The following MUCL3 variants were observed in gnomAD, a reference collection of about 807,000 sequenced individuals.
MUCL3 encodes mucin like 3, also known as mucin-like protein 3.
In MUCL3, 42 loss-of-function variants were observed where a neutral mutation model predicts 70.2. That is an observed-to-expected ratio of 0.60 (90% CI 0.47 to 0.77). MUCL3 has a LOEUF of 0.77. Among genes scored for constraint, MUCL3 ranks in the 30% least tolerant of loss-of-function variants. The probability of loss-of-function intolerance (pLI) is 0.00; values close to 1 mark genes in which losing one functional copy is unlikely to be tolerated. For missense variants in MUCL3, 1,429 were observed against 1,670.0 expected, an observed-to-expected ratio of 0.86 and a Z score of 2.52; for synonymous variants, 522 against 647.0, an observed-to-expected ratio of 0.81 and a Z score of 2.93.
chr6:30,951,212 A>G lies in MUCL3; in HGVS notation c.2748A>G (p.Pro916=). The G allele has an allele frequency of 3.9e-6, 6 of 1,551,928 alleles. No individual in the cohort carries two copies. Among genetic ancestry groups the G allele is most frequent in the Non-Finnish European group, 5.2e-6 (6 of 1,147,058 alleles). ...RTPFTNEKTT[P]SSAEPTEHGE... is the part of the protein sequence containing the mutation. ...CATTTACCAATGAGAAGACCACACCATCCTCAGCAGAGCCTACAGAACATG... is the reference window on the plus strand; with the variant it reads ...CATTTACCAATGAGAAGACCACACCGTCCTCAGCAGAGCCTACAGAACATG... Residue 916 remains proline, a synonymous_variant, in exon 2 of 3, where the codon CCA becomes CCG. Coordinates refer to ENST00000462446, the MANE Select transcript of MUCL3 (RefSeq NM_080870.4).
intron 1 of MUCL3, among the ~76,000 whole-genome samples, chr6:30,946,633 A>C (rs1380467179): frequency 1.3e-5 from 2 of 152,230 alleles, no homozygotes; most frequent in African/African-American, 4.8e-5. Flanking sequence ...TTATTTGATT[A>C]AATAAACAAA....
intron 1 of MUCL3, among the ~76,000 whole-genome samples, chr6:30,941,629 T>C (rs942722690): frequency 1.3e-5 from 2 of 151,866 alleles, no homozygotes; most frequent in African/African-American, 2.4e-5. Flanking sequence ...CTGGCTCATT[T>C]TTTTGTATTT....
In MUCL3 at chr6:30,951,734, T is replaced by G. The variant is rs1413076469; in HGVS notation, c.3270T>G (p.Thr1090=). 6.5e-7 allele frequency: 1 copy of G among 1,546,676 alleles called. No individual in the cohort carries two copies. The highest frequency in any genetic ancestry group is 8.7e-7 in the Non-Finnish European group (1 of 1,145,866). Reference sequence around the variant, plus strand: ...GGCCTACAGAACATGGAGCAAAAACTACGTCGGCCAATGAGAAGATCACAC... The same window carrying G: ...GGCCTACAGAACATGGAGCAAAAACGACGTCGGCCAATGAGAAGATCACAC... ...PEGPTEHGAK[T]TSANEKITPS... The change falls in exon 2 of 3, where the codon ACT becomes ACG. Residue 1090 remains threonine, a synonymous_variant. Coordinates refer to ENST00000462446, the MANE Select transcript of MUCL3 (RefSeq NM_080870.4).
In MUCL3 at chr6:30,953,145, C is replaced by T. The variant is rs1760799326; in HGVS notation, c.*28C>T. On this transcript the variant is annotated 3_prime_UTR_variant, in exon 3 of 3. Transcript: ENST00000462446. ...TTGGAGTAGGCGCCCAGCCCTGGCT[C>T]TTCCATGCTCTGCCCCTTTCCTGGA... is the stretch of plus-strand genomic sequence containing the variant. The T allele has an allele frequency of 6.2e-7, 1 of 1,610,576 alleles. No homozygotes were observed. Among genetic ancestry groups the T allele is most frequent in the East Asian group, 2.2e-5 (1 of 44,886 alleles).
Position 30,951,682 on chromosome 6 carries a change from A to T in MUCL3, c.3218A>T (p.Asn1073Ile), listed in dbSNP as rs1562494787. ...CATGGAGAAAAGACTACATTGGCCAATGAGAAGATCACACTATCCCCAGAA... is the reference window on the plus strand; with the variant it reads ...CATGGAGAAAAGACTACATTGGCCATTGAGAAGATCACACTATCCCCAGAA... The part of the protein sequence containing the change: ...TEHGEKTTLA[N>I]EKITLSPEGP... Residue 1073 changes from asparagine to isoleucine, a missense_variant, in exon 2 of 3, where the codon AAT becomes ATT. Transcript: ENST00000462446. 6 of 1,552,344 alleles carry T rather than the reference A, an allele frequency of 3.9e-6. No individual in the cohort carries two copies. The highest frequency in any genetic ancestry group is 4.4e-6 in the Non-Finnish European group (5 of 1,147,132).
Position 30,949,416 on chromosome 6 carries a change from C to T in MUCL3, c.952C>T (p.Leu318=), listed in dbSNP as rs1259445621. 5.3e-6 allele frequency: 8 copies of T among 1,496,140 alleles called. No homozygotes were observed. Among genetic ancestry groups the T allele is most frequent in the African/African-American group, 1.4e-5 (1 of 70,612 alleles). The allele number at this position is 1,496,140 out of a possible 1,614,324, so 92.7% of individuals were successfully genotyped here. A position where few individuals can be genotyped will look rare whatever the true frequency, so the allele number is the denominator to read the frequency against. Reference sequence around the variant, plus strand: ...AAGGACAGCCAATGAGAACACCACACTATCCCCAGCAGAGCCTATAGAAAA... The same window carrying T: ...AAGGACAGCCAATGAGAACACCACATTATCCCCAGCAGAGCCTATAGAAAA... ...RERTANENTT[L]SPAEPIENRE... Residue 318 remains leucine, a synonymous_variant, in exon 2 of 3, where the codon CTA becomes TTA. Transcript: ENST00000462446.
In MUCL3 at chr6:30,953,106, TC is replaced by T. The variant is rs764847568; in HGVS notation, c.4175del (p.Pro1392HisfsTer40). On this transcript the variant is annotated frameshift_variant, in exon 3 of 3. Coordinates refer to ENST00000462446, the MANE Select transcript of MUCL3 (RefSeq NM_080870.4). LOFTEE classifies it high-confidence loss of function. Reference sequence around the variant, plus strand: ...GAATCTTGGCATGGGCCAGATCCCTTCCCCACGGTGATCTTGGAGTAGGCGC... The same window carrying T: ...GAATCTTGGCATGGGCCAGATCCCTTCCCACGGTGATCTTGGAGTAGGCGC... ...QQNLGMGQIPSPR is the reference protein window; with the variant it reads ...QQNLGMGQIPXPR 1 of 1,613,982 alleles carries T rather than the reference TC, an allele frequency of 6.2e-7. No homozygotes were observed. The highest frequency in any genetic ancestry group is 1.3e-5 in the African/African-American group (1 of 74,926).
Position 30,951,580 on chromosome 6 carries a change from C to A in MUCL3, c.3116C>A (p.Ala1039Glu). 1.3e-6 allele frequency: 2 copies of A among 1,542,476 alleles called. No individual in the cohort carries two copies. Among genetic ancestry groups the A allele is most frequent in the Admixed American group, 2.0e-5 (1 of 50,892 alleles). ...AATGAGAAGACCATACCATCTCCAG[C>A]AAAGCCTACAGAACACGAAGAAATG... ...SANEKTIPSPAKPTEHEEMTP... is the reference protein window; with the variant it reads ...SANEKTIPSPEKPTEHEEMTP... The change falls in exon 2 of 3, where the codon GCA becomes GAA. Residue 1039 changes from alanine (A) to glutamate (E), a missense_variant. Physicochemically the swap from Ala to Glu is moderately radical, Grantham distance 107 (BLOSUM62 -1). Coordinates refer to ENST00000462446, the MANE Select transcript of MUCL3 (RefSeq NM_080870.4).
Position 30,950,932 on chromosome 6 carries a change from C to G in MUCL3, c.2468C>G (p.Thr823Arg). The G allele has an allele frequency of 6.5e-7, 1 of 1,548,712 alleles. No homozygotes were observed. Among genetic ancestry groups the G allele is most frequent in the African/African-American group, 1.4e-5 (1 of 71,476 alleles). ...ACCACATCATCCCCAGCAGAGCCTA[C>G]AGAAAATAGAGAAAGGACAGCCAAT... ...ENTTSSPAEPTENRERTANEK... is the reference protein window; with the variant it reads ...ENTTSSPAEPRENRERTANEK... The change falls in exon 2 of 3, where the codon ACA (threonine) becomes AGA (arginine). Residue 823 changes from threonine (T) to arginine (R), a missense_variant. Coordinates refer to ENST00000462446, the MANE Select transcript of MUCL3 (RefSeq NM_080870.4).
At position 30,949,259 on chromosome 6, in the gene MUCL3, T is replaced by A. The variant is rs1037755976; in HGVS notation, c.795T>A (p.Thr265=). The change falls in exon 2 of 3, where the codon ACT becomes ACA. Residue 265 remains threonine (T), a synonymous_variant. Transcript: ENST00000462446. ...CCTCAGACAAGCTCCTGACAAAAAC[T>A]ACAAAAAACATACAAGAGACCATAT... ...TVASDKLLTK[T]TKNIQETISA... 1.6e-5 allele frequency: 25 copies of A among 1,549,180 alleles called. No homozygotes were observed. The African/African-American group carries it at 2.9e-4, about 18-fold the overall frequency.
rs1445048902 is a variant in MUCL3 at position 30,951,185 on chromosome 6, C to G, written c.2721C>G (p.Thr907=). Residue 907 remains threonine (T), a synonymous_variant, in exon 2 of 3, where the codon ACC becomes ACG. Coordinates refer to ENST00000462446, the MANE Select transcript of MUCL3 (RefSeq NM_080870.4). ...AGCCTACAGAAAATGGAGAAAGGACCCCATTTACCAATGAGAAGACCACAC... is the reference window on the plus strand; with the variant it reads ...AGCCTACAGAAAATGGAGAAAGGACGCCATTTACCAATGAGAAGACCACAC... ...PAEPTENGER[T]PFTNEKTTPS... 1 of 1,541,546 alleles carries G rather than the reference C, an allele frequency of 6.5e-7. No individual in the cohort carries two copies. The highest frequency in any genetic ancestry group is 8.7e-7 in the Non-Finnish European group (1 of 1,144,330).
In MUCL3 at chr6:30,949,638, A is replaced by G. The variant is rs1562490467; in HGVS notation, c.1174A>G (p.Thr392Ala). ...EHGERTANEN[T>A]TPSPAEPTEH... ...TGGAGAAAGGACAGCCAATGAGAAC[A>G]CTACACCATCCCCAGCAGAGCCTAC... Residue 392 changes from threonine (T) to alanine (A), a missense_variant, in exon 2 of 3, where the codon ACT (threonine) becomes GCT (alanine). By Grantham distance (58) the Thr-to-Ala change is moderately conservative (BLOSUM62 0). Coordinates refer to ENST00000462446, the MANE Select transcript of MUCL3 (RefSeq NM_080870.4). 1 of 1,537,394 alleles carries G rather than the reference A, an allele frequency of 6.5e-7. No individual in the cohort carries two copies. The highest frequency in any genetic ancestry group is 8.8e-7 in the Non-Finnish European group (1 of 1,138,912).
chr6:30,949,045 G>T lies in MUCL3; in HGVS notation c.581G>T (p.Ser194Ile). ...KTGRPLEKSMSTLDKTSTSSH... is the reference protein window; with the variant it reads ...KTGRPLEKSMITLDKTSTSSH... ...GGAAGACCTTTGGAAAAGTCCATGA[G>T]TACTTTGGATAAGACAAGTACCAGC... is the stretch of plus-strand genomic sequence containing the variant. Residue 194 changes from serine (S) to isoleucine (I), a missense_variant, in exon 2 of 3, where the codon AGT (serine) becomes ATT (isoleucine). By Grantham distance (142) the Ser-to-Ile change is moderately radical. Transcript: ENST00000462446. The T allele has an allele frequency of 6.4e-7, 1 of 1,551,574 alleles. No homozygotes were observed. Among genetic ancestry groups the T allele is most frequent in the South Asian group, 1.2e-5 (1 of 83,996 alleles).
At chr6:30,941,459 T>TCTTC (rs537884819) in intron 1 of MUCL3, among the ~76,000 whole-genome samples, 4 of 36,470 alleles carry the variant, frequency 1.1e-4, no homozygotes, top group East Asian at 6.0e-4. Context: ...TTCTTCTTCT[T>TCTTC]TTTTTTTTTT....
At position 30,952,221 on chromosome 6, in the gene MUCL3, T is replaced by C; in HGVS notation, c.3757T>C (p.Ser1253Pro). The change falls in exon 2 of 3, where the codon TCT (serine) becomes CCT (proline). Residue 1253 changes from serine to proline, a missense_variant. By Grantham distance (74) the Ser-to-Pro change is moderately conservative (BLOSUM62 -1). Transcript: ENST00000462446. Reference sequence around the variant, plus strand: ...TTCAGTCAAGGTCACAGGAGACAAATCTCTCACTACTACCTCTTCTCATCT... The same window carrying C: ...TTCAGTCAAGGTCACAGGAGACAAACCTCTCACTACTACCTCTTCTCATCT... ...KPSVKVTGDK[S>P]LTTTSSHLNK... 1 of 1,613,944 alleles carries C rather than the reference T, an allele frequency of 6.2e-7. No individual in the cohort carries two copies. Among genetic ancestry groups the C allele is most frequent in the Non-Finnish European group, 8.5e-7 (1 of 1,180,010 alleles).
In MUCL3 at chr6:30,952,055, C is replaced by G. The variant is rs1233401843; in HGVS notation, c.3591C>G (p.Thr1197=). ...TATACTCAGAGAAGACCATATGCAC[C>G]AAAGGGAAAAACACACCAGTCCCAG... ...PTLYSEKTIC[T]KGKNTPVPEK... Residue 1197 remains threonine (T), a synonymous_variant, in exon 2 of 3, where the codon ACC becomes ACG. Transcript: ENST00000462446. The G allele has an allele frequency of 2.5e-6, 4 of 1,610,172 alleles. No individual in the cohort carries two copies. The African/African-American group carries it at 5.4e-5, about 22-fold the overall frequency.
rs1760840121 is a variant in MUCL3 at position 30,953,996 on chromosome 6, C to T, written c.*879C>T. ...GCTTTATCTCGTAAAAGTTACCCAT[C>T]TTCTCTACTGTCCCCATTCTCTCTC... is the stretch of plus-strand genomic sequence containing the variant. On this transcript the variant is annotated 3_prime_UTR_variant, in exon 3 of 3. Coordinates refer to ENST00000462446, the MANE Select transcript of MUCL3 (RefSeq NM_080870.4). 2 of 152,296 alleles carry T rather than the reference C, an allele frequency of 1.3e-5. No homozygotes were observed. Among genetic ancestry groups the T allele is most frequent in the African/African-American group, 4.8e-5 (2 of 41,436 alleles). 9.4% of individuals were successfully genotyped at this position (152,296 alleles called of 1,614,324 possible).
chr6:30,952,164 A>G lies in MUCL3; in HGVS notation c.3700A>G (p.Lys1234Glu), dbSNP rs756466579. The G allele has an allele frequency of 6.2e-7, 1 of 1,613,988 alleles. No individual in the cohort carries two copies. The highest frequency in any genetic ancestry group is 8.5e-7 in the Non-Finnish European group (1 of 1,180,032). ...APVKSTENPE[K>E]TAAVTKTIKP... is the part of the protein sequence containing the mutation. ...AGTAAAGTCCACAGAAAACCCAGAA[A>G]AAACAGCAGCAGTCACAAAGACTAT... The change falls in exon 2 of 3, where the codon AAA becomes GAA. Residue 1234 changes from lysine (K) to glutamate (E), a missense_variant. Lys to Glu is a moderately conservative substitution (Grantham distance 56). Transcript: ENST00000462446.
Position 30,953,299 on chromosome 6 carries a change from T to A in MUCL3, c.*182T>A. 9.4e-6 allele frequency: 8 copies of A among 855,470 alleles called. No homozygotes were observed. In the South Asian group the frequency reaches 1.5e-4, roughly 16 times the overall value. The allele number at this position is 855,470 out of a possible 1,614,324, so 53.0% of individuals were successfully genotyped here. A position where few individuals can be genotyped will look rare whatever the true frequency, so the allele number is the denominator to read the frequency against. ...GGAATGAGGTGATAAGCAAGGAGGG[T>A]GTAAGTTTAGGGGACAAAGAAGAAA... On this transcript the variant is annotated 3_prime_UTR_variant, in exon 3 of 3. Coordinates refer to ENST00000462446, the MANE Select transcript of MUCL3 (RefSeq NM_080870.4).
Sources: allele counts gnomAD v4.1 joint callset (sites outside exome capture counted in the v4.1 genomes callset), GRCh38; gene constraint gnomAD v4.1.1; transcripts MANE v1.5; gene names NCBI Gene and HGNC (gene_info 2026-07-23, HGNC 2026-07-21).